The following DGKG variants were observed in gnomAD, a reference collection of about 807,000 sequenced individuals.
DGKG encodes the protein diacylglycerol kinase gamma, also known as DAG kinase gamma.
Under a neutral mutation model 105.3 loss-of-function variants are expected in DGKG, and 78 were observed. That is an observed-to-expected ratio of 0.74 (90% confidence interval 0.62 to 0.89). The LOEUF is 0.89. Among genes scored for constraint, DGKG ranks in the 40% least tolerant of loss-of-function variants. The pLI is 0.00. For synonymous variants in DGKG, 346 were observed against 367.1 expected, an observed-to-expected ratio of 0.94 and a Z score of 0.66; for missense variants, 958 against 1,020.1, an observed-to-expected ratio of 0.94 and a Z score of 0.83.
intron 23 of DGKG, among the ~76,000 whole-genome samples, chr3:186,162,753 A>C (rs1165403240): frequency 6.6e-6 from 1 of 152,064 alleles, no homozygotes; most frequent in Non-Finnish European, 1.5e-5. Flanking sequence ...CATGTTGGCC[A>C]GGATGGTCTC....
At chr3:186,180,211 C>T (rs748834396) in intron 22 of DGKG, among the ~76,000 whole-genome samples, 4 of 151,958 alleles carry the variant, frequency 2.6e-5, no homozygotes, top group South Asian at 4.2e-4. Context: ...AACATGGGTA[C>T]GGGGAGGAGG....
At chr3:186,177,567 G>A (rs1050363875) in intron 22 of DGKG, among the ~76,000 whole-genome samples, 24 of 152,104 alleles carry the variant, frequency 1.6e-4, no homozygotes, top group South Asian at 4.2e-4. Context: ...ATATTAACAC[G>A]ATTGTTCTAA....
chr3:186,311,912 C>A (rs1327713918), intron 2 of DGKG, among the ~76,000 whole-genome samples: 1 of 144,400 alleles, frequency 6.9e-6, no homozygotes, highest in South Asian at 2.1e-4. Context: ...GTCAGGAGAT[C>A]GAGACCATCC....
At chr3:186,356,147 G>A (rs770212576) in intron 1 of DGKG, among the ~76,000 whole-genome samples, 1 of 152,196 alleles carries the variant, frequency 6.6e-6, no homozygotes, top group Non-Finnish European at 1.5e-5. Context: ...CTAAGTAAGT[G>A]CTGTTTAATT....
intron 3 of DGKG, among the ~76,000 whole-genome samples, chr3:186,298,619 C>G (rs1723714885): frequency 6.6e-6 from 1 of 152,180 alleles, no homozygotes; most frequent in African/African-American, 2.4e-5. Context: ...GGATGTGGCT[C>G]TAATGAGCAG....
intron 1 of DGKG, among the ~76,000 whole-genome samples, chr3:186,332,189 C>T (rs1243587228): frequency 1.3e-5 from 2 of 152,120 alleles, no homozygotes; most frequent in African/African-American, 4.8e-5. Flanking sequence ...GAAAAGCCAA[C>T]ATTATTTGAG....
At chr3:186,310,126 G>A (rs1724452192) in intron 2 of DGKG, among the ~76,000 whole-genome samples, 1 of 150,942 alleles carries the variant, frequency 6.6e-6, no homozygotes, top group Non-Finnish European at 1.5e-5. Flanking sequence ...AATTAGCCGG[G>A]CGTGGTGGCA....
intron 7 of DGKG, among the ~76,000 whole-genome samples, chr3:186,281,437 A>G (rs1297956378): frequency 2.6e-5 from 4 of 152,196 alleles, no homozygotes; most frequent in African/African-American, 9.7e-5. Context: ...GCTGAAACAC[A>G]CCAGACTGAA....
At chr3:186,177,125 G>T (rs200397137) in intron 22 of DGKG, among the ~76,000 whole-genome samples, 1 of 152,176 alleles carries the variant, frequency 6.6e-6, no homozygotes, top group African/African-American at 2.4e-5. Context: ...TTCTGCATTA[G>T]TCTCCTCACT....
intron 5 of DGKG, among the ~76,000 whole-genome samples, chr3:186,296,021 A>G (rs575560775): frequency 6.6e-6 from 1 of 152,078 alleles, no homozygotes; most frequent in Admixed American, 6.6e-5. Flanking sequence ...ACGCACAAGA[A>G]TAGCTTGAAC....
chr3:186,203,910 C>A lies in DGKG; in HGVS notation c.1917+7885G>T, dbSNP rs1718594801. Among the ~76,000 whole-genome samples the A allele has an allele frequency of 6.6e-6, 1 of 152,152 alleles. No homozygotes were observed. The highest frequency in any genetic ancestry group is 1.5e-5 in the Non-Finnish European group (1 of 68,034). On this transcript the variant is annotated intron_variant, in intron 21 of 24. Coordinates refer to ENST00000265022, the MANE Select transcript of DGKG (RefSeq NM_001346.3). The surrounding 1 kb of genome is among the most constrained non-coding windows in gnomAD (Gnocchi z 4.9). Reference sequence around the variant, plus strand: ...ACCTGTGGTAGCTGAGAAGAAGGTTCAGATCATATCAGGAGAGACCAAGAC... The same window carrying A: ...ACCTGTGGTAGCTGAGAAGAAGGTTAAGATCATATCAGGAGAGACCAAGAC...
chr3:186,324,544 C>T (rs1381901970), intron 1 of DGKG, among the ~76,000 whole-genome samples: 9 of 150,054 alleles, frequency 6.0e-5, no homozygotes, highest in Admixed American at 5.9e-4. Flanking sequence ...AAAATAACCC[C>T]ATTAAAAAGT....
rs190474526 is a variant in DGKG at position 186,278,276 on chromosome 3, G to T, written c.792+1575C>A. On this transcript the variant is annotated intron_variant, in intron 9 of 24. Transcript: ENST00000265022. ...CCCTAAATGAGAAAAAAAAAATGGTGTTTTGGAACAGAACTTCCATTTTGT... is the reference window on the plus strand; with the variant it reads ...CCCTAAATGAGAAAAAAAAAATGGTTTTTTGGAACAGAACTTCCATTTTGT... 8.8e-3 allele frequency among the ~76,000 whole-genome samples: 1,345 copies of T among 152,204 alleles called. 19 individuals are homozygous for T. Among genetic ancestry groups the T allele is most frequent in the African/African-American group, 0.03 (1,258 of 41,514 alleles).
intron 15 of DGKG, 39 bp downstream of exon 15, chr3:186,261,660 C>A: frequency 7.0e-7 from 1 of 1,431,124 alleles, no homozygotes; most frequent in South Asian, 1.2e-5. Flanking sequence ...TGAGTCGTGT[C>A]GCCCTAGTTG....
intron 1 of DGKG, among the ~76,000 whole-genome samples, chr3:186,358,506 T>TTGTG (rs142522791): frequency 0.017 from 2,586 of 150,034 alleles, 79 homozygotes; most frequent in African/African-American, 0.061. Context: ...TTCTAACCCT[T>TTGTG]TGTGTGTGTG....
At chr3:186,242,839 G>C (rs1278647498) in intron 19 of DGKG, among the ~76,000 whole-genome samples, 4 of 152,168 alleles carry the variant, frequency 2.6e-5, no homozygotes, top group Non-Finnish European at 5.9e-5. Context: ...GCTGAGAACA[G>C]ATAGATAGTT....
rs993366490 is a variant in DGKG at position 186,207,164 on chromosome 3, T to A, written c.1917+4631A>T. On this transcript the variant is annotated intron_variant, in intron 21 of 24. Transcript: ENST00000265022. ...GGTCTCATAGAAGAAGCATCTAGGG[T>A]GAACGTTTGCAATATTTTTTTATGC... 1.3e-5 allele frequency among the ~76,000 whole-genome samples: 2 copies of A among 152,308 alleles called. 1 individual carries two copies. The highest frequency in any genetic ancestry group is 4.8e-5 in the African/African-American group (2 of 41,554).
At chr3:186,356,525 A>G (rs969546752) in intron 1 of DGKG, among the ~76,000 whole-genome samples, 1 of 152,204 alleles carries the variant, frequency 6.6e-6, no homozygotes, top group African/African-American at 2.4e-5. Flanking sequence ...ACAGGTGTCA[A>G]TGGTATAGAT....
At chr3:186,347,881 C>A (rs1352508566) in intron 1 of DGKG, among the ~76,000 whole-genome samples, 1 of 152,190 alleles carries the variant, frequency 6.6e-6, no homozygotes, top group Non-Finnish European at 1.5e-5. Flanking sequence ...CCGCACCCAG[C>A]CCTTTTTTAG....
Sources: allele counts gnomAD v4.1 joint callset (sites outside exome capture counted in the v4.1 genomes callset), GRCh38; gene constraint gnomAD v4.1.1; non-coding constraint Gnocchi (gnomAD v3.1); transcripts MANE v1.5; gene names NCBI Gene and HGNC (gene_info 2026-07-23, HGNC 2026-07-21).